The following ARSA variants were observed in gnomAD, a reference collection of about 807,000 sequenced individuals.
The protein encoded by ARSA is cerebroside-sulfatase.
Under a neutral mutation model 37.8 loss-of-function variants are expected in ARSA, and 32 were observed. That is an observed-to-expected ratio of 0.85 (90% confidence interval 0.64 to 1.14). The LOEUF is 1.14. Ranked by LOEUF, ARSA falls within the 50% of genes most tolerant of loss-of-function variation. ARSA has a pLI of 0.00. For missense variants in ARSA, 685 were observed against 686.3 expected, an observed-to-expected ratio of 1.00 and a Z score of 0.02; for synonymous variants, 303 against 303.4, an observed-to-expected ratio of 1.00 and a Z score of 0.01.
chr22:50,627,970 A>C lies in ARSA; in HGVS notation c.-191T>G. ...CCGGGAGACCGCGGGCTGGGACGGA[A>C]CTCCTCCAGGACCAGGGCACCTTCA... On this transcript the variant is annotated 5_prime_UTR_variant, in exon 1 of 8. Coordinates refer to ENST00000216124, the MANE Select transcript of ARSA (RefSeq NM_000487.6). 1.7e-6 allele frequency: 1 copy of C among 603,434 alleles called. No individual in the cohort carries two copies. The highest frequency in any genetic ancestry group is 2.9e-6 in the Non-Finnish European group (1 of 342,730). 37.4% of individuals were successfully genotyped at this position (603,434 alleles called of 1,614,324 possible).
chr22:50,623,293 A>T lies in ARSA; in HGVS notation c.*1852T>A, dbSNP rs1203719398. 2.0e-5 allele frequency: 3 copies of T among 152,216 alleles called. No homozygotes were observed. Among genetic ancestry groups the T allele is most frequent in the African/African-American group, 7.2e-5 (3 of 41,418 alleles). The allele number at this position is 152,216 out of a possible 1,614,324, so 9.4% of individuals were successfully genotyped here. The stretch of plus-strand genomic sequence containing the variant: ...GAGGCAGAGCGTTGCCGTTGAAGGG[A>T]ACAGCCAGGCCACCCCCTAAGACTG... On this transcript the variant is annotated 3_prime_UTR_variant, in exon 8 of 8. Transcript: ENST00000216124.
In ARSA at chr22:50,627,391, G is replaced by A. The variant is rs767509086; in HGVS notation, c.240C>T (p.Thr80=). The A allele has an allele frequency of 7.5e-6, 12 of 1,607,988 alleles. No individual in the cohort carries two copies. The highest frequency in any genetic ancestry group is 2.7e-5 in the African/African-American group (2 of 75,046). The change falls in exon 2 of 8, where the codon ACC becomes ACT. Residue 80 remains threonine (T), a synonymous_variant. Coordinates refer to ENST00000216124, the MANE Select transcript of ARSA (RefSeq NM_000487.6). The part of the protein sequence containing the change: ...LCTPSRAALL[T]GRLPVRMGMY... ...TGCCCATCCGAACCGGGAGCCGGCC[G>A]GTCAGGAGGGCGGCCCTGCGGGACA...
Position 50,625,687 on chromosome 22 carries a change from G to A in ARSA, c.1108-6C>T. On this transcript the variant is annotated splice_region_variant and splice_polypyrimidine_tract_variant and intron_variant, in intron 6 of 7. Transcript: ENST00000216124. ...AAGAGAGACTGCCGAGGGCTCTGGGGGCAGAGTCAGGGGTCACGGGGCGGG... is the reference window on the plus strand; with the variant it reads ...AAGAGAGACTGCCGAGGGCTCTGGGAGCAGAGTCAGGGGTCACGGGGCGGG... 6.2e-7 allele frequency: 1 copy of A among 1,612,554 alleles called. No individual in the cohort carries two copies. The highest frequency in any genetic ancestry group is 8.5e-7 in the Non-Finnish European group (1 of 1,179,206).
rs911625206 is a variant in ARSA at position 50,623,011 on chromosome 22, G to A, written c.*2134C>T. 1 of 152,090 alleles carries A rather than the reference G, an allele frequency of 6.6e-6. No individual in the cohort carries two copies. The highest frequency in any genetic ancestry group is 6.5e-5 in the Admixed American group (1 of 15,268). 9.4% of individuals were successfully genotyped at this position (152,090 alleles called of 1,614,324 possible). On this transcript the variant is annotated 3_prime_UTR_variant, in exon 8 of 8. Coordinates refer to ENST00000216124, the MANE Select transcript of ARSA (RefSeq NM_000487.6). Reference sequence around the variant, plus strand: ...AAAGAGGCTGCAACTCCAAGATCAAGGGACCTTTGCCCAGCACTGAAAAAT... The same window carrying A: ...AAAGAGGCTGCAACTCCAAGATCAAAGGACCTTTGCCCAGCACTGAAAAAT...
Position 50,626,211 on chromosome 22 carries a change from A to T in ARSA, c.922T>A (p.Tyr308Asn). ...GLLRCGKGTT[Y>N]EGGVREPALA... ...GCAGGCTCTCGGACACCGCCCTCGT[A>T]GGTCGTTCCCTTTCCACACCGCAAG... The change falls in exon 5 of 8, where the codon TAC becomes AAC. Residue 308 changes from tyrosine (Y) to asparagine (N), a missense_variant. Coordinates refer to ENST00000216124, the MANE Select transcript of ARSA (RefSeq NM_000487.6). 2 of 1,613,042 alleles carry T rather than the reference A, an allele frequency of 1.2e-6. No homozygotes were observed. The highest frequency in any genetic ancestry group is 1.7e-6 in the Non-Finnish European group (2 of 1,179,754).
Sources: allele counts gnomAD v4.1 joint callset, GRCh38; gene constraint gnomAD v4.1.1; transcripts MANE v1.5; gene names NCBI Gene and HGNC (gene_info 2026-07-23, HGNC 2026-07-21).